The following DNM3 variants were observed in gnomAD, a reference collection of about 807,000 sequenced individuals.
DNM3 encodes dynamin 3, also known as dynamin-3.
DNM3 carries 47 observed loss-of-function variants against 101.6 expected under a neutral mutation model. That is an observed-to-expected ratio of 0.46 (90% CI 0.37 to 0.59). The LOEUF (loss-of-function observed/expected upper bound fraction) is 0.59, where lower values mean the gene tolerates loss of function less well. Ranked by LOEUF, DNM3 falls within the 20% of genes least tolerant of loss-of-function variation. The probability of loss-of-function intolerance (pLI) is 0.00; values close to 1 mark genes in which losing one functional copy is unlikely to be tolerated. For synonymous variants in DNM3, 385 were observed against 387.9 expected, an observed-to-expected ratio of 0.99 and a Z score of 0.09; for missense variants, 849 against 1,085.7, an observed-to-expected ratio of 0.78 and a Z score of 3.06.
intron 17 of DNM3, among the ~76,000 whole-genome samples, chr1:172,345,976 C>A (rs1297188584): frequency 6.6e-6 from 1 of 151,808 alleles, no homozygotes; most frequent in Non-Finnish European, 1.5e-5. Flanking sequence ...AAAAAATTAG[C>A]CGGGCGTGCT....
chr1:172,292,870 T>C (rs763722716), intron 15 of DNM3, among the ~76,000 whole-genome samples: 4 of 152,116 alleles, frequency 2.6e-5, no homozygotes, highest in Non-Finnish European at 5.9e-5. Context: ...AATTAACATA[T>C]GAAAAAAAGT....
At chr1:172,294,042 G>C (rs2064043110) in intron 15 of DNM3, among the ~76,000 whole-genome samples, 1 of 152,120 alleles carries the variant, frequency 6.6e-6, no homozygotes, top group African/African-American at 2.4e-5. Context: ...CTGTGCAGTG[G>C]GAAGACCTCC....
chr1:172,029,140 C>G (rs1484950814), intron 4 of DNM3, among the ~76,000 whole-genome samples: 2 of 152,186 alleles, frequency 1.3e-5, no homozygotes, highest in Admixed American at 1.3e-4. Flanking sequence ...CCCTGATGAA[C>G]ATTGATGCAA....
intron 17 of DNM3, among the ~76,000 whole-genome samples, chr1:172,360,770 A>C (rs1473143073): frequency 6.6e-6 from 1 of 152,020 alleles, no homozygotes; most frequent in Non-Finnish European, 1.5e-5. Context: ...TACTTTAGCC[A>C]ATCTGTCCTC....
intron 2 of DNM3, among the ~76,000 whole-genome samples, chr1:171,948,668 C>G (rs1173183258): frequency 1.3e-5 from 2 of 152,052 alleles, no homozygotes; most frequent in Non-Finnish European, 2.9e-5. Flanking sequence ...CTACTGGAAC[C>G]CTGTTAACAT....
At position 172,076,575 on chromosome 1, in the gene DNM3, A is replaced by T. The variant is rs141132163; in HGVS notation, c.1423-5257A>T. Reference sequence around the variant, plus strand: ...TTTTTCTCCATCTATTGAGATAATCATGTGGTTTACGTCATTGATTCTGTT... The same window carrying T: ...TTTTTCTCCATCTATTGAGATAATCTTGTGGTTTACGTCATTGATTCTGTT... On this transcript the variant is annotated intron_variant, in intron 11 of 20. Transcript: ENST00000627582. Among the ~76,000 whole-genome samples the T allele has an allele frequency of 1.4e-3, 220 of 152,294 alleles. 2 individuals are homozygous for T. Among genetic ancestry groups the T allele is most frequent in the African/African-American group, 5.1e-3 (213 of 41,558 alleles).
chr1:172,203,073 T>A (rs2060207314), intron 14 of DNM3, among the ~76,000 whole-genome samples: 1 of 152,148 alleles, frequency 6.6e-6, no homozygotes, highest in African/African-American at 2.4e-5. Flanking sequence ...TCATTAAAAA[T>A]TACAAAACAG....
chr1:172,380,553 ATTCTTT>A (rs2149060368), intron 18 of DNM3, among the ~76,000 whole-genome samples: 1 of 152,200 alleles, frequency 6.6e-6, no homozygotes, highest in South Asian at 2.1e-4. Context: ...TATGAATTGT[ATTCTTT>A]TGACCAATGG....
intron 12 of DNM3, among the ~76,000 whole-genome samples, chr1:172,086,935 T>C (rs944809815): frequency 2.0e-5 from 3 of 152,208 alleles, no homozygotes; most frequent in African/African-American, 7.2e-5. Flanking sequence ...ATATTTGCTA[T>C]GGAATCTACA....
intron 13 of DNM3, among the ~76,000 whole-genome samples, chr1:172,115,693 C>G (rs1389647496): frequency 6.6e-6 from 1 of 152,198 alleles, no homozygotes; most frequent in South Asian, 2.1e-4. Context: ...CCTCCTCCAT[C>G]CTGTTACACC....
chr1:171,912,134 G>C (rs2039359363), intron 1 of DNM3, among the ~76,000 whole-genome samples: 1 of 152,116 alleles, frequency 6.6e-6, no homozygotes, highest in East Asian at 1.9e-4. Flanking sequence ...TAACAGAACT[G>C]AATGTTTAGC....
chr1:171,868,671 A>G (rs1364805123), intron 1 of DNM3, among the ~76,000 whole-genome samples: 4 of 152,198 alleles, frequency 2.6e-5, no homozygotes, highest in Non-Finnish European at 4.4e-5. Flanking sequence ...TTGTTTTATC[A>G]AGCAAGGATG....
chr1:172,128,908 A>G (rs893472060), intron 13 of DNM3, among the ~76,000 whole-genome samples: 5 of 152,172 alleles, frequency 3.3e-5, no homozygotes, highest in Non-Finnish European at 7.3e-5. Context: ...GGGTTATTGC[A>G]ATGGGTTTTA....
At chr1:171,977,987 T>C (rs1044483078) in intron 2 of DNM3, among the ~76,000 whole-genome samples, 3 of 152,330 alleles carry the variant, frequency 2.0e-5, no homozygotes, top group African/African-American at 7.2e-5. Flanking sequence ...TCAAAAGCCA[T>C]ATTTATAATC....
intron 2 of DNM3, among the ~76,000 whole-genome samples, chr1:171,954,200 C>T (rs1305690894): frequency 6.6e-6 from 1 of 152,140 alleles, no homozygotes; most frequent in Non-Finnish European, 1.5e-5. Context: ...TGCCTGGATC[C>T]TCTATTAGCA....
intron 17 of DNM3, among the ~76,000 whole-genome samples, chr1:172,357,622 C>T (rs1454979074): frequency 6.6e-6 from 1 of 152,082 alleles, no homozygotes; most frequent in Non-Finnish European, 1.5e-5. Flanking sequence ...AAATGTAATA[C>T]ATGATTGAGG....
At chr1:172,271,592 T>G (rs2063088484) in intron 15 of DNM3, among the ~76,000 whole-genome samples, 1 of 152,092 alleles carries the variant, frequency 6.6e-6, no homozygotes, top group Non-Finnish European at 1.5e-5. Flanking sequence ...TGGAAGAGTA[T>G]TTTAATAGCC....
intron 15 of DNM3, among the ~76,000 whole-genome samples, chr1:172,285,985 T>C (rs2063682260): frequency 6.6e-6 from 1 of 152,086 alleles, no homozygotes; most frequent in South Asian, 2.1e-4. Context: ...ACCTACGTTA[T>C]GCCTTCTGGG....
chr1:172,363,319 C>A (rs1042847430), intron 17 of DNM3, among the ~76,000 whole-genome samples: 1 of 151,834 alleles, frequency 6.6e-6, no homozygotes, highest in Non-Finnish European at 1.5e-5. Flanking sequence ...TTTGCATCTA[C>A]AAAATTTACT....
Sources: gnomAD v4.1 joint callset for allele counts (sites outside exome capture counted in the v4.1 genomes callset) on GRCh38, gnomAD v4.1.1 for gene constraint, MANE v1.5 for transcripts, NCBI Gene and HGNC (gene_info 2026-07-23, HGNC 2026-07-21) for gene names.